The following ZNF608 variants were observed in gnomAD, a reference collection of about 807,000 sequenced individuals.
The protein encoded by ZNF608 is renal carcinoma antigen NY-REN-36.
In ZNF608, 12 loss-of-function variants were observed where a neutral mutation model predicts 109.0. The observed-to-expected ratio is 0.11, with a 90% CI of 0.07 to 0.18. The LOEUF is 0.18. Among genes scored for constraint, ZNF608 ranks in the 10% least tolerant of loss-of-function variants. The probability of loss-of-function intolerance (pLI) is 1.00; values close to 1 mark genes in which losing one functional copy is unlikely to be tolerated. For missense variants in ZNF608, 1,707 were observed against 1,879.3 expected, an observed-to-expected ratio of 0.91 and a Z score of 1.70; for synonymous variants, 732 against 717.4, an observed-to-expected ratio of 1.02 and a Z score of -0.33.
rs533903741 is a variant in ZNF608 at position 124,737,148 on chromosome 5, A to G, written c.906+6936T>C. 9.2e-4 allele frequency among the ~76,000 whole-genome samples: 140 copies of G among 152,368 alleles called. 2 individuals carry two copies. Among genetic ancestry groups the G allele is most frequent in the African/African-American group, 3.3e-3 (137 of 41,592 alleles). ...GCTCTCTGGTTAGCATAATAAGCCA[A>G]TTCCACAACCTAAATATCTGCTTTC... On this transcript the variant is annotated intron_variant, in intron 2 of 9. Transcript: ENST00000513986.
At chr5:124,697,640 T>C (rs1302926841) in intron 3 of ZNF608, among the ~76,000 whole-genome samples, 1 of 152,220 alleles carries the variant, frequency 6.6e-6, no homozygotes, top group Non-Finnish European at 1.5e-5. Context: ...TAACACTTTA[T>C]TCCTGAGCAC....
chr5:124,725,983 C>CA (rs1368338536), intron 2 of ZNF608, among the ~76,000 whole-genome samples: 4 of 152,238 alleles, frequency 2.6e-5, no homozygotes, highest in South Asian at 4.2e-4. Context: ...TCACCTCCCA[C>CA]AAAAAATCCA....
chr5:124,731,898 G>A (rs1030713969), intron 2 of ZNF608, among the ~76,000 whole-genome samples: 6 of 152,184 alleles, frequency 3.9e-5, no homozygotes, highest in East Asian at 1.9e-4. Context: ...TCACTAATAC[G>A]GAAAATATTA....
intron 9 of ZNF608, 90 bp downstream of exon 9, chr5:124,639,043 A>T: frequency 1.6e-6 from 2 of 1,258,306 alleles, no homozygotes. Flanking sequence ...CAAGGAGTTA[A>T]GTTTTTGGTC....
intron 3 of ZNF608, among the ~76,000 whole-genome samples, chr5:124,667,321 T>C (rs773042305): frequency 6.6e-6 from 1 of 152,128 alleles, no homozygotes; most frequent in African/African-American, 2.4e-5. Flanking sequence ...CTACATGTGT[T>C]CCTATAGTTT....
chr5:124,639,142 C>T lies in ZNF608; in HGVS notation c.4523G>A (p.Gly1508Glu). 6.2e-7 allele frequency: 1 copy of T among 1,614,104 alleles called. No individual in the cohort carries two copies. The highest frequency in any genetic ancestry group is 8.5e-7 in the Non-Finnish European group (1 of 1,179,958). ...AQASASGMFP[G>E]QRRE Reference sequence around the variant, plus strand: ...TGTAGAGGATATTTACCTTCTTTGTCCAGGAAACATTCCAGATGCAGATGC... The same window carrying T: ...TGTAGAGGATATTTACCTTCTTTGTTCAGGAAACATTCCAGATGCAGATGC... Residue 1508 changes from glycine to glutamate, a missense_variant, in exon 9 of 10, where the codon GGA becomes GAA. Transcript: ENST00000513986.
At chr5:124,745,232 C>T in intron 1 of ZNF608, 60 bp from the exon 2 acceptor site, 5 of 1,349,912 alleles carry the variant, frequency 3.7e-6, no homozygotes, top group South Asian at 1.9e-5. Flanking sequence ...GAATAAAAAA[C>T]GATTAGTATT....
chr5:124,703,328 T>G (rs574887257), intron 2 of ZNF608, among the ~76,000 whole-genome samples: 5 of 152,266 alleles, frequency 3.3e-5, no homozygotes, highest in African/African-American at 1.2e-4. Context: ...AGTTCTCTGA[T>G]TTGGAGGTGA....
At chr5:124,724,683 C>CG (rs1561585569) in intron 2 of ZNF608, among the ~76,000 whole-genome samples, 1 of 152,046 alleles carries the variant, frequency 6.6e-6, no homozygotes, top group Non-Finnish European at 1.5e-5. Flanking sequence ...AAGTAATACT[C>CG]TTTCAATTAA....
intron 2 of ZNF608, among the ~76,000 whole-genome samples, chr5:124,729,989 C>T (rs1748819971): frequency 6.6e-6 from 1 of 152,244 alleles, no homozygotes; most frequent in Non-Finnish European, 1.5e-5. Flanking sequence ...CTACACCTCA[C>T]TGCACAGATT....
At position 124,648,404 on chromosome 5, in the gene ZNF608, A is replaced by G. The variant is rs376531372; in HGVS notation, c.1980T>C (p.Ser660=). The change falls in exon 5 of 10, where the codon TCT becomes TCC. Residue 660 remains serine (S), a synonymous_variant. Coordinates refer to ENST00000513986, the MANE Select transcript of ZNF608 (RefSeq NM_020747.3). ...SIIGAKAGKN[S]GKKKGLNNEL... is the part of the protein sequence containing the mutation. ...CATTGTTAAGGCCCTTCTTTTTGCC[A>G]GAATTCTTCCCAGCTTTAGCACCAA... is the stretch of plus-strand genomic sequence containing the variant. 1.7e-5 allele frequency: 28 copies of G among 1,614,066 alleles called. No homozygotes were observed. Among genetic ancestry groups the G allele is most frequent in the Non-Finnish European group, 2.3e-5 (27 of 1,180,040 alleles).
Position 124,641,423 on chromosome 5 carries a change from A to G in ZNF608, c.4297-18T>C. 6.3e-7 allele frequency: 1 copy of G among 1,596,188 alleles called. No homozygotes were observed. The highest frequency in any genetic ancestry group is 8.6e-7 in the Non-Finnish European group (1 of 1,167,964). ...TCCACAGGCTGCAACAGAAAAGAGAAATTTTCCCCCTTCATGCTCTGAAAA... is the reference window on the plus strand; with the variant it reads ...TCCACAGGCTGCAACAGAAAAGAGAGATTTTCCCCCTTCATGCTCTGAAAA... On this transcript the variant is annotated intron_variant, in intron 7 of 9. Transcript: ENST00000513986.
chr5:124,720,123 C>T (rs1442860948), intron 2 of ZNF608, among the ~76,000 whole-genome samples: 2 of 152,170 alleles, frequency 1.3e-5, no homozygotes, highest in Non-Finnish European at 2.9e-5. Context: ...AGATGCCAGG[C>T]ACTGTATAGA....
rs1750607954 is a variant in ZNF608, at chr5:124,647,978, G to A, written c.2406C>T (p.Asn802=). The change falls in exon 5 of 10, where the codon AAC becomes AAT. Residue 802 remains asparagine (N), a synonymous_variant. Transcript: ENST00000513986. ...TGTCTTTGAGTGACACCAGAGCTGG[G>A]TTCACGGTGATGGGCTCTCCCATAA... The part of the protein sequence containing the change: ...PTIMGEPITV[N]PALVSLKDKK... 6.2e-7 allele frequency: 1 copy of A among 1,614,214 alleles called. No homozygotes were observed. The highest frequency in any genetic ancestry group is 8.5e-7 in the Non-Finnish European group (1 of 1,180,058).
At chr5:124,731,938 A>T (rs1733301337) in intron 2 of ZNF608, among the ~76,000 whole-genome samples, 1 of 152,210 alleles carries the variant, frequency 6.6e-6, no homozygotes, top group African/African-American at 2.4e-5. Flanking sequence ...GAGCAATGGC[A>T]CATTAAAAAG....
chr5:124,667,357 C>T (rs958699091), intron 3 of ZNF608, among the ~76,000 whole-genome samples: 63 of 152,188 alleles, frequency 4.1e-4, no homozygotes, highest in African/African-American at 1.5e-3. Flanking sequence ...CAGAGGAAAG[C>T]TGCTTCTGAT....
chr5:124,685,727 T>A (rs12658714), intron 3 of ZNF608, among the ~76,000 whole-genome samples: 1 of 151,998 alleles, frequency 6.6e-6, no homozygotes, highest in Non-Finnish European at 1.5e-5. Context: ...CCAGCCCACC[T>A]GATCCTGAAA....
At chr5:124,693,419 T>C (rs1325428824) in intron 3 of ZNF608, among the ~76,000 whole-genome samples, 1 of 152,226 alleles carries the variant, frequency 6.6e-6, no homozygotes, top group Admixed American at 6.5e-5. Context: ...AAGATAGCGC[T>C]TACATCTTTT....
At chr5:124,683,732 C>T (rs947786576) in intron 3 of ZNF608, among the ~76,000 whole-genome samples, 1 of 152,100 alleles carries the variant, frequency 6.6e-6, no homozygotes, top group African/African-American at 2.4e-5. Context: ...AATTCAACTA[C>T]ATTTATGTGT....
Sources: gnomAD v4.1 joint callset for allele counts (sites outside exome capture counted in the v4.1 genomes callset) on GRCh38, gnomAD v4.1.1 for gene constraint, MANE v1.5 for transcripts, NCBI Gene and HGNC (gene_info 2026-07-23, HGNC 2026-07-21) for gene names.